Variants in MAPK10 observed in about 807,000 individuals in gnomAD.
MAPK10 encodes mitogen-activated protein kinase 10, also known as JNK3 alpha protein kinase.
Under a neutral mutation model 59.3 loss-of-function variants are expected in MAPK10, and 25 were observed. That is an observed-to-expected ratio of 0.42 (90% confidence interval 0.31 to 0.59). The LOEUF is 0.59. MAPK10 is among the 20% of genes least tolerant of loss of function. MAPK10 has a pLI of 0.15. For synonymous variants in MAPK10, 190 were observed against 200.5 expected, an observed-to-expected ratio of 0.95 and a Z score of 0.44; for missense variants, 351 against 568.9, an observed-to-expected ratio of 0.62 and a Z score of 3.90.
intron 4 of MAPK10, among the ~76,000 whole-genome samples, chr4:86,153,972 A>G (rs191293546): frequency 2.6e-5 from 4 of 152,336 alleles, no homozygotes; most frequent in African/African-American, 9.6e-5. Flanking sequence ...ACAGATGTAC[A>G]TGAGAGGATA....
At chr4:86,422,420 G>T (rs1481671717) in intron 1 of MAPK10, among the ~76,000 whole-genome samples, 4 of 152,198 alleles carry the variant, frequency 2.6e-5, no homozygotes, top group African/African-American at 9.6e-5. Flanking sequence ...GCAGGCACAG[G>T]TGACAAAGAG....
Position 86,359,884 on chromosome 4 carries a change from A to G in MAPK10, c.-348T>C. 1 of 985,744 alleles carries G rather than the reference A, an allele frequency of 1.0e-6. No homozygotes were observed. The highest frequency in any genetic ancestry group is 1.7e-5 in the African/African-American group (1 of 57,356). 61.1% of individuals were successfully genotyped at this position (985,744 alleles called of 1,614,324 possible). A position where few individuals can be genotyped will look rare whatever the true frequency, so the allele number is the denominator to read the frequency against. On this transcript the variant is annotated 5_prime_UTR_variant, in exon 1 of 14. Transcript: ENST00000641462. ...GTGAGGACAAAAAAGGAAATTTGTA[A>G]AAATGAAAAAAGAAAAGAAAAAGGT...
chr4:86,241,057 C>T (rs2092691888), intron 2 of MAPK10, among the ~76,000 whole-genome samples: 3 of 152,056 alleles, frequency 2.0e-5, no homozygotes, highest in Admixed American at 6.5e-5. Context: ...TCAGCATTTT[C>T]TTGTCTGGAA....
At chr4:86,118,563 T>G (rs1468120162) in intron 4 of MAPK10, among the ~76,000 whole-genome samples, 1 of 127,934 alleles carries the variant, frequency 7.8e-6, no homozygotes, top group Non-Finnish European at 1.6e-5. Flanking sequence ...CTTGTATGTA[T>G]TTATATAAAT....
chr4:86,326,613 T>TCATC (rs1473521804), intron 2 of MAPK10: 3 of 152,000 alleles, frequency 2.0e-5, no homozygotes, highest in African/African-American at 7.2e-5. Context: ...ACCCCTGGAG[T>TCATC]CATCTGTAGT....
At chr4:86,116,985 TA>T (rs1272543291) in intron 4 of MAPK10, among the ~76,000 whole-genome samples, 1 of 152,238 alleles carries the variant, frequency 6.6e-6, no homozygotes, top group Non-Finnish European at 1.5e-5. Context: ...TGCTAATCAG[TA>T]GTTCTTTAGT....
chr4:86,079,432 A>G (rs145343778), intron 9 of MAPK10: 37 of 152,274 alleles, frequency 2.4e-4, no homozygotes, highest in African/African-American at 8.9e-4. Context: ...GGGGTGTTCC[A>G]TTTGCACAGG....
In MAPK10 at chr4:86,096,905, A is replaced by G. The variant is rs553425037; in HGVS notation, c.802+1619T>C. 2.1e-4 allele frequency among the ~76,000 whole-genome samples: 32 copies of G among 152,102 alleles called. No homozygotes were observed. In the South Asian group the frequency reaches 6.6e-3, roughly 32 times the overall value. ...GGAACATGGAGCAAACAGAGATTCAAGACCTTAAGATTGGTTATAAATAAA... is the reference window on the plus strand; with the variant it reads ...GGAACATGGAGCAAACAGAGATTCAGGACCTTAAGATTGGTTATAAATAAA... On this transcript the variant is annotated intron_variant, in intron 9 of 13. Coordinates refer to ENST00000641462, the MANE Select transcript of MAPK10 (RefSeq NM_138982.4).
At chr4:86,487,303 A>G (rs1299661481) in intron 1 of MAPK10, among the ~76,000 whole-genome samples, 3 of 151,994 alleles carry the variant, frequency 2.0e-5, no homozygotes, top group African/African-American at 7.2e-5. Flanking sequence ...ATAAAGGACT[A>G]AGAGGTAAGA....
rs148040168 is a variant in MAPK10, at chr4:86,048,787, T to A, written c.1110+15479A>T. Among the ~76,000 whole-genome samples, 248 of 152,254 alleles carry A rather than the reference T, an allele frequency of 1.6e-3. 3 individuals are homozygous for A. The highest frequency in any genetic ancestry group is 5.6e-3 in the African/African-American group (232 of 41,568). On this transcript the variant is annotated intron_variant, in intron 11 of 13. Transcript: ENST00000641462. Reference sequence around the variant, plus strand: ...GTATACTTCACTAATGTTAGAGGGATAATATTATATTTTAGGTTGAAATGT... The same window carrying A: ...GTATACTTCACTAATGTTAGAGGGAAAATATTATATTTTAGGTTGAAATGT...
chr4:86,023,812 AATATATATATATATATATAT>A (rs368982706), intron 13 of MAPK10: 3 of 100,444 alleles, frequency 3.0e-5, no homozygotes, highest in Non-Finnish European at 5.9e-5. Context: ...AGATCAAATG[AATATATATATATATATATAT>A]ATATATATAT....
chr4:86,174,241 T>A (rs1047278592), intron 3 of MAPK10, among the ~76,000 whole-genome samples: 1 of 152,154 alleles, frequency 6.6e-6, no homozygotes, highest in African/African-American at 2.4e-5. Context: ...AATAATAGAC[T>A]GGATAAAGAA....
intron 4 of MAPK10, among the ~76,000 whole-genome samples, chr4:86,144,437 T>C (rs1395430583): frequency 1.3e-5 from 2 of 152,160 alleles, no homozygotes; most frequent in South Asian, 2.1e-4. Flanking sequence ...AAAGGACAAG[T>C]CTTGGAAGTT....
intron 1 of MAPK10, among the ~76,000 whole-genome samples, chr4:86,405,895 C>T (rs1011232083): frequency 3.3e-5 from 5 of 152,304 alleles, no homozygotes; most frequent in Admixed American, 2.0e-4. Context: ...CCAAACACTA[C>T]AGTAACTCAC....
At chr4:86,201,219 T>C (rs1182793849) in intron 2 of MAPK10, among the ~76,000 whole-genome samples, 1 of 151,966 alleles carries the variant, frequency 6.6e-6, no homozygotes, top group African/African-American at 2.4e-5. Context: ...TGTGTATATG[T>C]ATGTACCACA....
At chr4:86,304,313 TTG>T (rs202090039) in intron 2 of MAPK10, among the ~76,000 whole-genome samples, 4 of 140,844 alleles carry the variant, frequency 2.8e-5, no homozygotes, top group African/African-American at 1.0e-4. Flanking sequence ...AAGATGTTTT[TTG>T]TTTCTTCACC....
intron 1 of MAPK10, among the ~76,000 whole-genome samples, chr4:86,526,920 A>G (rs1757506284): frequency 6.6e-6 from 1 of 152,190 alleles, no homozygotes; most frequent in South Asian, 2.1e-4. Context: ...CTGGGCCAAG[A>G]GATGGTTAGC....
chr4:86,452,640 C>A (rs534646285), intron 1 of MAPK10, among the ~76,000 whole-genome samples: 1 of 152,130 alleles, frequency 6.6e-6, no homozygotes, highest in Non-Finnish European at 1.5e-5. Context: ...TAGCAAGGGA[C>A]CGAGTCAGAG....
At chr4:86,101,613 T>C (rs2055411154) in intron 7 of MAPK10, among the ~76,000 whole-genome samples, 1 of 152,208 alleles carries the variant, frequency 6.6e-6, no homozygotes, top group African/African-American at 2.4e-5. Flanking sequence ...ATGAATTTTC[T>C]TATTTCAGTT....
Sources: allele counts gnomAD v4.1 joint callset (sites outside exome capture counted in the v4.1 genomes callset), GRCh38; gene constraint gnomAD v4.1.1; transcripts MANE v1.5; gene names NCBI Gene and HGNC (gene_info 2026-07-23, HGNC 2026-07-21).